The following MBD2 variants were observed in gnomAD, a reference collection of about 807,000 sequenced individuals.
MBD2 encodes methyl-CpG binding domain protein 2, also known as methyl-CpG-binding domain protein 2.
In MBD2, 9 loss-of-function variants were observed where a neutral mutation model predicts 39.3. That is an observed-to-expected ratio of 0.23 (90% CI 0.14 to 0.40). The LOEUF (loss-of-function observed/expected upper bound fraction) is 0.40, where lower values mean the gene tolerates loss of function less well. Ranked by LOEUF, MBD2 falls within the 10% of genes least tolerant of loss-of-function variation. MBD2 has a pLI of 1.00. For missense variants in MBD2, 458 were observed against 532.6 expected (o/e 0.86, Z 1.38); for synonymous variants, 233 against 211.1 (o/e 1.10, Z -0.90).
At chr18:54,168,676 C>T (rs1256393437) in intron 3 of MBD2, among the ~76,000 whole-genome samples, 4 of 142,096 alleles carry the variant, frequency 2.8e-5, no homozygotes, top group Non-Finnish European at 4.5e-5. Flanking sequence ...TTCTCCCATC[C>T]GCAACCCAGG....
intron 2 of MBD2, among the ~76,000 whole-genome samples, chr18:54,204,044 G>A (rs1466572444): frequency 6.6e-6 from 1 of 152,186 alleles, no homozygotes; most frequent in Non-Finnish European, 1.5e-5. Flanking sequence ...ACCAAGCCAT[G>A]CCTTCCTGGG....
At chr18:54,189,157 G>T (rs2144310852) in intron 2 of MBD2, 146 bp from the exon 3 acceptor site, 1 of 429,356 alleles carries the variant, frequency 2.3e-6, no homozygotes, top group Non-Finnish European at 4.0e-6. Flanking sequence ...TAGGGTACAT[G>T]TTAAGCACCT....
At chr18:54,192,926 T>C (rs1481089483) in intron 2 of MBD2, among the ~76,000 whole-genome samples, 2 of 152,236 alleles carry the variant, frequency 1.3e-5, no homozygotes, top group African/African-American at 4.8e-5. Flanking sequence ...AATGAGACAT[T>C]ATTCAAAATG....
At chr18:54,175,619 C>T (rs1316122981) in intron 3 of MBD2, among the ~76,000 whole-genome samples, 1 of 152,216 alleles carries the variant, frequency 6.6e-6, no homozygotes, top group Non-Finnish European at 1.5e-5. Context: ...CTGCTTCCCC[C>T]TCAAGCCATC....
In MBD2 at chr18:54,202,745, T is replaced by C. The variant is rs199847862; in HGVS notation, c.702+2253A>G. 4.7e-5 allele frequency: 68 copies of C among 1,432,196 alleles called. No homozygotes were observed. The East Asian group carries it at 9.9e-4, about 21-fold the overall frequency. The allele number at this position is 1,432,196 out of a possible 1,614,324, so 88.7% of individuals were successfully genotyped here. A position where few individuals can be genotyped will look rare whatever the true frequency, so the allele number is the denominator to read the frequency against. On this transcript the variant is annotated intron_variant, in intron 2 of 6. Transcript: ENST00000256429. ...ACCACTATACACTTCTAGAATGAGG[T>C]GGATGGTAAATCAAATAAACATAAA...
chr18:54,190,408 T>C lies in MBD2; in HGVS notation c.703-1397A>G, dbSNP rs577093895. On this transcript the variant is annotated intron_variant, in intron 2 of 6. Coordinates refer to ENST00000256429, the MANE Select transcript of MBD2 (RefSeq NM_003927.5). The stretch of plus-strand genomic sequence containing the variant: ...GTGGAGCATCCACATGGTCCCAGCC[T>C]GAGTGAGCGTGAGTGCGACCTGTGA... Among the ~76,000 whole-genome samples the C allele has an allele frequency of 3.8e-3, 575 of 152,292 alleles. 6 individuals are homozygous for C. Among genetic ancestry groups the C allele is most frequent in the Non-Finnish European group, 4.9e-3 (335 of 68,020 alleles).
Position 54,159,675 on chromosome 18 carries a change from C to T in MBD2, c.*12+90G>A, listed in dbSNP as rs1381412792. On this transcript the variant is annotated intron_variant, in intron 6 of 6. Transcript: ENST00000256429. ...CTCAACTGATCGCCCGCCTCAGCCA[C>T]CCAAGTGCTGGGATTACAGGCAGAA... 3.4e-6 allele frequency: 5 copies of T among 1,463,962 alleles called. No individual in the cohort carries two copies. In the East Asian group the frequency reaches 1.1e-4, roughly 33 times the overall value. 90.7% of individuals were successfully genotyped at this position (1,463,962 alleles called of 1,614,324 possible). A position where few individuals can be genotyped will look rare whatever the true frequency, so the allele number is the denominator to read the frequency against.
At position 54,166,146 on chromosome 18, in the gene MBD2, T is replaced by C. The variant is rs1388595617; in HGVS notation, c.861A>G (p.Leu287=). The change falls in exon 4 of 7, where the codon CTA becomes CTG. Residue 287 remains leucine, a synonymous_variant. Transcript: ENST00000256429. Reference sequence around the variant, plus strand: ...TTACATCTGATGCACTAAGTCCTTGTAGCCTCTTCTCCCAGAAAAGCTGTA... The same window carrying C: ...TTACATCTGATGCACTAAGTCCTTGCAGCCTCTTCTCCCAGAAAAGCTGTA... ...QPRQLFWEKR[L]QGLSASDVTE... 6.2e-6 allele frequency: 10 copies of C among 1,613,432 alleles called. No individual in the cohort carries two copies. Among genetic ancestry groups the C allele is most frequent in the African/African-American group, 1.3e-5 (1 of 74,926 alleles).
intron 2 of MBD2, among the ~76,000 whole-genome samples, chr18:54,190,489 G>A (rs1001742405): frequency 3.9e-5 from 6 of 152,226 alleles, no homozygotes; most frequent in Admixed American, 2.0e-4. Context: ...GTTGCTGGGA[G>A]AGGCTCTGGC....
At chr18:54,177,161 A>T (rs887808345) in intron 3 of MBD2, among the ~76,000 whole-genome samples, 2 of 152,182 alleles carry the variant, frequency 1.3e-5, no homozygotes, top group Non-Finnish European at 2.9e-5. Context: ...ATTGATACGC[A>T]AGTTCATATA....
intron 3 of MBD2, among the ~76,000 whole-genome samples, chr18:54,166,736 T>C (rs2086135736): frequency 1.3e-5 from 2 of 152,212 alleles, no homozygotes; most frequent in Admixed American, 1.3e-4. Flanking sequence ...TGAGTGACTC[T>C]TTCCCTGCTG....
intron 2 of MBD2, among the ~76,000 whole-genome samples, chr18:54,192,329 T>A (rs1290190723): frequency 6.6e-6 from 1 of 152,006 alleles, no homozygotes; most frequent in African/African-American, 2.4e-5. Context: ...GCCTCGTGGG[T>A]TCAAGCAATT....
intron 1 of MBD2, among the ~76,000 whole-genome samples, chr18:54,216,521 T>C (rs2086563131): frequency 6.6e-6 from 1 of 152,168 alleles, no homozygotes; most frequent in Non-Finnish European, 1.5e-5. Flanking sequence ...AGGTTCAGAA[T>C]CTCATGGGTA....
At chr18:54,160,269 AT>A (rs2144276594) in intron 5 of MBD2, among the ~76,000 whole-genome samples, 1 of 152,362 alleles carries the variant, frequency 6.6e-6, no homozygotes, top group Non-Finnish European at 1.5e-5. Context: ...GGGAACATAA[AT>A]AACAAAGGAA....
chr18:54,161,699 C>G (rs1030512949), intron 5 of MBD2, among the ~76,000 whole-genome samples: 1 of 152,216 alleles, frequency 6.6e-6, no homozygotes, highest in African/African-American at 2.4e-5. Flanking sequence ...GAAATTTAAT[C>G]ATTTGCCCAT....
At chr18:54,164,025 A>T (rs534505745) in intron 5 of MBD2, among the ~76,000 whole-genome samples, 1 of 152,164 alleles carries the variant, frequency 6.6e-6, no homozygotes, top group Non-Finnish European at 1.5e-5. Flanking sequence ...CTGGGACTAC[A>T]GTTACATACT....
chr18:54,174,838 C>A (rs1023654431), intron 3 of MBD2, among the ~76,000 whole-genome samples: 17 of 152,194 alleles, frequency 1.1e-4, no homozygotes, highest in African/African-American at 4.1e-4. Context: ...AAGGGGCTCT[C>A]TTATTTACCA....
At position 54,205,087 on chromosome 18, in the gene MBD2, T is replaced by G; in HGVS notation, c.613A>C (p.Ser205Arg). ...ATCTTTCCAGTTCTGAAGTCAAAAC[T>G]GCTGAGATCAACAGTATTTCCCAGG... ...RYLGNTVDLS[S>R]FDFRTGKMMP... Residue 205 changes from serine (S) to arginine (R), a missense_variant, in exon 2 of 7, where the codon AGT (serine) becomes CGT (arginine). By Grantham distance (110) the Ser-to-Arg change is moderately radical. Coordinates refer to ENST00000256429, the MANE Select transcript of MBD2 (RefSeq NM_003927.5). 5.0e-6 allele frequency: 8 copies of G among 1,614,134 alleles called. No individual in the cohort carries two copies. The highest frequency in any genetic ancestry group is 6.8e-6 in the Non-Finnish European group (8 of 1,179,998).
chr18:54,156,004 T>C (rs1174762055), intron 6 of MBD2, among the ~76,000 whole-genome samples: 2 of 152,268 alleles, frequency 1.3e-5, no homozygotes, highest in South Asian at 4.2e-4. Context: ...TCCACCTTAC[T>C]AATAAGCAGG....
Sources: allele counts gnomAD v4.1 joint callset (sites outside exome capture counted in the v4.1 genomes callset), GRCh38; gene constraint gnomAD v4.1.1; transcripts MANE v1.5; gene names NCBI Gene and HGNC (gene_info 2026-07-23, HGNC 2026-07-21).